The following PTPRG variants were observed in gnomAD, a reference collection of about 807,000 sequenced individuals.
The protein encoded by PTPRG is receptor-type tyrosine-protein phosphatase gamma.
Under a neutral mutation model 165.3 loss-of-function variants are expected in PTPRG, and 102 were observed. The ratio of observed to expected loss-of-function variants is 0.62; its 90% CI spans 0.53 to 0.73. The LOEUF is 0.73. PTPRG is among the 30% of genes least tolerant of loss of function. PTPRG has a pLI of 0.00. For synonymous variants in PTPRG, 675 were observed against 669.5 expected, an observed-to-expected ratio of 1.01 and a Z score of -0.13; for missense variants, 1,866 against 1,861.4, an observed-to-expected ratio of 1.00 and a Z score of -0.05.
intron 14 of PTPRG, among the ~76,000 whole-genome samples, chr3:62,238,954 A>G (rs991862506): frequency 3.3e-5 from 5 of 152,184 alleles, no homozygotes; most frequent in Non-Finnish European, 7.4e-5. Context: ...AGTGAAAATA[A>G]TGTTACCTGG....
At chr3:62,033,838 G>C (rs1215114857) in intron 4 of PTPRG, among the ~76,000 whole-genome samples, 1 of 152,190 alleles carries the variant, frequency 6.6e-6, no homozygotes, top group Non-Finnish European at 1.5e-5. Flanking sequence ...TGTGACCTCA[G>C]CTCACTGCAA....
At chr3:61,620,765 A>T (rs1377239630) in intron 1 of PTPRG, among the ~76,000 whole-genome samples, 3 of 151,868 alleles carry the variant, frequency 2.0e-5, no homozygotes, top group Non-Finnish European at 4.4e-5. Flanking sequence ...AGTAGCTAGG[A>T]TTACAAGTGT....
intron 1 of PTPRG, among the ~76,000 whole-genome samples, chr3:61,728,476 G>A (rs952739961): frequency 6.6e-6 from 1 of 151,962 alleles, no homozygotes; most frequent in African/African-American, 2.4e-5. Flanking sequence ...CCAGCTACTC[G>A]GGAGGTTGAG....
intron 2 of PTPRG, among the ~76,000 whole-genome samples, chr3:61,849,356 T>C (rs1256983038): frequency 6.6e-6 from 1 of 152,206 alleles, no homozygotes; most frequent in Non-Finnish European, 1.5e-5. Flanking sequence ...GCATGGGAAA[T>C]TTCATGAATA....
intron 4 of PTPRG, among the ~76,000 whole-genome samples, chr3:62,060,678 T>G (rs554938897): frequency 6.6e-6 from 1 of 152,344 alleles, no homozygotes; most frequent in Admixed American, 6.5e-5. Flanking sequence ...GTTTCAAATA[T>G]TTACAAAAGA....
At chr3:61,567,908 A>G (rs1014774464) in intron 1 of PTPRG, among the ~76,000 whole-genome samples, 8 of 144,252 alleles carry the variant, frequency 5.5e-5, no homozygotes, top group Admixed American at 4.3e-4. Context: ...TGGGGCTGCA[A>G]TGAGCTGTGA....
chr3:61,855,517 G>T (rs1328340587), intron 2 of PTPRG, among the ~76,000 whole-genome samples: 3 of 151,216 alleles, frequency 2.0e-5, no homozygotes, highest in Non-Finnish European at 4.4e-5. Context: ...CTATATTTTG[G>T]TCTTCCATGT....
intron 2 of PTPRG, among the ~76,000 whole-genome samples, chr3:61,972,642 TC>T (rs2040409896): frequency 6.8e-6 from 1 of 147,900 alleles, no homozygotes; most frequent in South Asian, 2.2e-4. Flanking sequence ...TCGTTCTTTT[TC>T]TTTTTTTTTC....
At chr3:61,937,944 T>G (rs1044941453) in intron 2 of PTPRG, among the ~76,000 whole-genome samples, 7 of 151,858 alleles carry the variant, frequency 4.6e-5, no homozygotes, top group Admixed American at 2.6e-4. Flanking sequence ...TGGGGTTTTT[T>G]TTTTTCCCCC....
intron 2 of PTPRG, among the ~76,000 whole-genome samples, chr3:61,796,128 C>T (rs1301688503): frequency 1.3e-5 from 2 of 152,104 alleles, no homozygotes; most frequent in Non-Finnish European, 2.9e-5. Flanking sequence ...TAGCTTATAA[C>T]AGAAAATAGT....
At chr3:62,257,829 C>T (rs1701576614) in intron 16 of PTPRG, among the ~76,000 whole-genome samples, 2 of 151,996 alleles carry the variant, frequency 1.3e-5, no homozygotes, top group Non-Finnish European at 2.9e-5. Context: ...TGTGGTGACG[C>T]ACAACTGTGG....
intron 2 of PTPRG, among the ~76,000 whole-genome samples, chr3:61,759,278 T>C (rs911542155): frequency 7.2e-5 from 11 of 152,230 alleles, no homozygotes; most frequent in Admixed American, 6.5e-4. Flanking sequence ...GGTGTGTATA[T>C]AACATAGAAC....
chr3:62,144,070 G>A (rs1704028530), intron 6 of PTPRG, among the ~76,000 whole-genome samples: 1 of 152,196 alleles, frequency 6.6e-6, no homozygotes, highest in Admixed American at 6.5e-5. Flanking sequence ...GAACACAGCT[G>A]CACTCACTTG....
chr3:61,671,521 AGT>A (rs1306548623), intron 1 of PTPRG, among the ~76,000 whole-genome samples: 1 of 149,104 alleles, frequency 6.7e-6, no homozygotes, highest in Non-Finnish European at 1.5e-5. Flanking sequence ...CAAAATGAAA[AGT>A]CTCCCATGTC....
At chr3:62,184,806 C>T (rs1304411487) in intron 8 of PTPRG, among the ~76,000 whole-genome samples, 1 of 152,132 alleles carries the variant, frequency 6.6e-6, no homozygotes, top group Non-Finnish European at 1.5e-5. Context: ...GAATCTGCAC[C>T]GAATTGGTTT....
At chr3:62,016,085 A>G (rs375016766) in intron 4 of PTPRG, among the ~76,000 whole-genome samples, 1 of 152,168 alleles carries the variant, frequency 6.6e-6, no homozygotes, top group East Asian at 1.9e-4. Flanking sequence ...TAATAGTATA[A>G]ACCCCCTCCT....
intron 2 of PTPRG, chr3:61,770,180 G>A (rs1039023218): frequency 5.3e-5 from 8 of 152,140 alleles, no homozygotes; most frequent in Middle Eastern, 3.2e-3. Flanking sequence ...GGTGTTGATT[G>A]TAGCTCAGAT....
chr3:62,016,042 G>A (rs1283247995), intron 4 of PTPRG, among the ~76,000 whole-genome samples: 3 of 151,492 alleles, frequency 2.0e-5, no homozygotes, highest in Non-Finnish European at 3.0e-5. Context: ...ACTAAAGAAT[G>A]TAACATAGAG....
At chr3:61,806,988 C>T (rs1022602408) in intron 2 of PTPRG, among the ~76,000 whole-genome samples, 11 of 152,176 alleles carry the variant, frequency 7.2e-5, no homozygotes, top group African/African-American at 2.7e-4. Context: ...AATACAGAAT[C>T]ATGCCTTTTA....
Sources: allele counts gnomAD v4.1 joint callset (sites outside exome capture counted in the v4.1 genomes callset), GRCh38; gene constraint gnomAD v4.1.1; transcripts MANE v1.5; gene names NCBI Gene and HGNC (gene_info 2026-07-23, HGNC 2026-07-21).